Variants in CD1C observed in about 807,000 individuals in gnomAD.
CD1C encodes the protein CD1c molecule.
CD1C carries 47 observed loss-of-function variants against 39.4 expected under a neutral mutation model. That is an observed-to-expected ratio of 1.19 (90% CI 0.94 to 1.52). The LOEUF (loss-of-function observed/expected upper bound fraction) is 1.52. CD1C is among the 40% of genes most tolerant of loss of function. CD1C has a pLI of 0.00. For missense variants in CD1C, 417 were observed against 395.2 expected (o/e 1.06, Z -0.47); for synonymous variants, 165 against 150.8 (o/e 1.09, Z -0.69).
intron 4 of CD1C, 128 bp downstream of exon 4, chr1:158,293,002 T>C: frequency 1.0e-6 from 1 of 962,952 alleles, no homozygotes; most frequent in Non-Finnish European, 1.5e-6. Context: ...ATTTAAAGAA[T>C]AGTGGAGTAA....
chr1:158,292,985 T>C, intron 4 of CD1C, 111 bp downstream of exon 4: 1 of 1,075,150 alleles, frequency 9.3e-7, no homozygotes, highest in Non-Finnish European at 1.3e-6. Flanking sequence ...AAGAAATGTA[T>C]AGGGTAATTT....
chr1:158,292,787 C>A lies in CD1C; in HGVS notation c.802C>A (p.Leu268Met). The change falls in exon 4 of 6, where the codon CTG becomes ATG. Residue 268 changes from leucine (L) to methionine (M), a missense_variant. By Grantham distance (15) the Leu-to-Met change is conservative. Transcript: ENST00000368170. ...TGGGACATGGTATCTTCAGGTGATC[C>A]TGGAGGTGGCATCTGAGGAGCCTGC... ...ADGTWYLQVI[L>M]EVASEEPAGL... The A allele has an allele frequency of 6.2e-7, 1 of 1,614,158 alleles. No individual in the cohort carries two copies. The highest frequency in any genetic ancestry group is 8.5e-7 in the Non-Finnish European group (1 of 1,180,010).
At chr1:158,290,263 G>A in intron 1 of CD1C, 138 bp downstream of exon 1, 1 of 696,570 alleles carries the variant, frequency 1.4e-6, no homozygotes, top group East Asian at 2.6e-5. Flanking sequence ...TACTCTTTTG[G>A]AGGATGGTGG....
chr1:158,291,025 T>A (rs1651015290), intron 1 of CD1C, 109 bp from the exon 2 acceptor site: 4 of 1,130,836 alleles, frequency 3.5e-6, no homozygotes, highest in Admixed American at 5.3e-5. Context: ...GCTAAAGTAG[T>A]CATTAATGTT....
Position 158,292,712 on chromosome 1 carries a change from G to T in CD1C, c.727G>T (p.Glu243Ter), listed in dbSNP as rs1268889238. The part of the protein sequence containing the change: ...KPVWVTWMRN[E>*]QEQLGTKHGD... ...TGTTTGGGTGACATGGATGCGGAAT[G>T]AACAGGAGCAACTGGGCACTAAACA... The change falls in exon 4 of 6, where the codon GAA (glutamate) becomes TAA (stop). Residue 243 changes from glutamate to a stop codon, truncating the protein, a stop_gained. Transcript: ENST00000368170. LOFTEE classifies it high-confidence loss of function. 6.2e-7 allele frequency: 1 copy of T among 1,614,198 alleles called. No individual in the cohort carries two copies. Among genetic ancestry groups the T allele is most frequent in the South Asian group, 1.1e-5 (1 of 91,066 alleles).
At chr1:158,292,952 A>C in intron 4 of CD1C, 78 bp downstream of exon 4, 2 of 1,414,818 alleles carry the variant, frequency 1.4e-6, no homozygotes, top group Admixed American at 1.9e-5. Flanking sequence ...TGAGGATAGC[A>C]GACCTAGGTG....
rs1301928391 is a variant in CD1C at position 158,294,210 on chromosome 1, G to T, written c.*734G>T. Among the ~76,000 whole-genome samples the T allele has an allele frequency of 6.6e-6, 1 of 152,334 alleles. No homozygotes were observed. The highest frequency in any genetic ancestry group is 1.5e-5 in the Non-Finnish European group (1 of 68,026). ...ACTTAAGAAAAGGAACAAGAGATTT[G>T]GTCCTCAGGGTTGGAGTGGGATCAA... On this transcript the variant is annotated 3_prime_UTR_variant, in exon 6 of 6. Coordinates refer to ENST00000368170, the MANE Select transcript of CD1C (RefSeq NM_001765.3).
Position 158,293,548 on chromosome 1 carries a change from C to T in CD1C, c.*72C>T, listed in dbSNP as rs766007094. The T allele has an allele frequency of 2.5e-6, 4 of 1,613,724 alleles. No individual in the cohort carries two copies. The highest frequency in any genetic ancestry group is 3.4e-6 in the Non-Finnish European group (4 of 1,179,774). ...AGGAGCCTAGTACAATATAGTGATG[C>T]CATCCCGTCGACTCTCCATTTAAAT... is the stretch of plus-strand genomic sequence containing the variant. On this transcript the variant is annotated 3_prime_UTR_variant, in exon 6 of 6. Coordinates refer to ENST00000368170, the MANE Select transcript of CD1C (RefSeq NM_001765.3).
rs901306034 is a variant in CD1C, at chr1:158,292,785, T to C, written c.800T>C (p.Ile267Thr). The C allele has an allele frequency of 1.9e-5, 31 of 1,614,018 alleles. No individual in the cohort carries two copies. Among genetic ancestry groups the C allele is most frequent in the Non-Finnish European group, 2.4e-5 (28 of 1,179,978 alleles). The change falls in exon 4 of 6, where the codon ATC becomes ACC. Residue 267 changes from isoleucine to threonine, a missense_variant. Transcript: ENST00000368170. ...GATGGGACATGGTATCTTCAGGTGA[T>C]CCTGGAGGTGGCATCTGAGGAGCCT... is the stretch of plus-strand genomic sequence containing the variant. ...NADGTWYLQV[I>T]LEVASEEPAG...
Position 158,292,233 on chromosome 1 carries a change from C to T in CD1C, c.478C>T (p.Gln160Ter), listed in dbSNP as rs777559090. Residue 160 changes from glutamine to a stop codon, truncating the protein, a stop_gained, in exon 3 of 6, where the codon CAA (glutamine) becomes TAA (stop). Transcript: ENST00000368170. LOFTEE classifies it high-confidence loss of function. ...VPSPGCGSLA[Q>*]SVCHLLNHQY... is the part of the protein sequence containing the mutation. ...ATCTCCAGGCTGTGGAAGTTTGGCC[C>T]AAAGTGTCTGTCATCTACTCAATCA... The T allele has an allele frequency of 3.1e-6, 5 of 1,614,094 alleles. No individual in the cohort carries two copies. The South Asian group carries it at 4.4e-5, about 14-fold the overall frequency.
intron 1 of CD1C, 105 bp downstream of exon 1, chr1:158,290,230 C>A: frequency 1.0e-6 from 1 of 993,860 alleles, no homozygotes; most frequent in Non-Finnish European, 1.6e-6. Context: ...GCCATCTGAG[C>A]ATACCTGTCT....
Position 158,293,321 on chromosome 1 carries a change from C to T in CD1C, c.980+19C>T, listed in dbSNP as rs761473870. 40 of 1,599,540 alleles carry T rather than the reference C, an allele frequency of 2.5e-5. No homozygotes were observed. In the South Asian group the frequency reaches 4.3e-4, roughly 17 times the overall value. ...AGCACTGGTGAGTTTTTTGTATTTC[C>T]TCCTCTCCTCCCAGTTTCTTATTTC... On this transcript the variant is annotated intron_variant, in intron 5 of 5. Transcript: ENST00000368170.
chr1:158,291,420 T>C lies in CD1C; in HGVS notation c.328+20T>C, dbSNP rs374045369. On this transcript the variant is annotated intron_variant, in intron 2 of 5. Coordinates refer to ENST00000368170, the MANE Select transcript of CD1C (RefSeq NM_001765.3). ...CGAAATGTAAGTTCAATCATCTAAA[T>C]TATGGGAGTTCTTTAGAATGTTCTA... 11 of 1,608,818 alleles carry C rather than the reference T, an allele frequency of 6.8e-6. No homozygotes were observed. The African/African-American group carries it at 1.2e-4, about 18-fold the overall frequency.
In CD1C at chr1:158,292,337, T is replaced by C; in HGVS notation, c.582T>C (p.Asp194=). 6.2e-7 allele frequency: 1 copy of C among 1,614,120 alleles called. No homozygotes were observed. Among genetic ancestry groups the C allele is most frequent in the Non-Finnish European group, 8.5e-7 (1 of 1,180,008 alleles). Residue 194 remains aspartate (D), a synonymous_variant, in exon 3 of 6, where the codon GAT becomes GAC. Coordinates refer to ENST00000368170, the MANE Select transcript of CD1C (RefSeq NM_001765.3). ...CCCGATTTCTCTTGGGTCTCCTGGA[T>C]GCAGGGAAGATGTATGTACACAGGC... ...TCPRFLLGLL[D]AGKMYVHRQV...
In CD1C at chr1:158,291,329, T is replaced by A. The variant is rs939761436; in HGVS notation, c.257T>A (p.Leu86Ter). 13 of 1,613,998 alleles carry A rather than the reference T, an allele frequency of 8.1e-6. No individual in the cohort carries two copies. ...FSNEELSDLELLFRFYLFGLT... is the reference protein window; with the variant it reads ...FSNEELSDLE ...AATGAAGAGTTGTCAGACCTAGAGTTGTTATTTCGTTTCTACCTCTTTGGA... is the reference window on the plus strand; with the variant it reads ...AATGAAGAGTTGTCAGACCTAGAGTAGTTATTTCGTTTCTACCTCTTTGGA... The change falls in exon 2 of 6, where the codon TTG becomes TAG. Residue 86 changes from leucine (L) to a stop codon, truncating the protein, a stop_gained. Transcript: ENST00000368170. LOFTEE classifies it high-confidence loss of function.
chr1:158,292,471 G>T (rs1651079381), intron 3 of CD1C, 106 bp downstream of exon 3: 2 of 1,486,060 alleles, frequency 1.3e-6, no homozygotes, highest in Admixed American at 2.0e-5. Context: ...AAGCAGGGGG[G>T]TTGCTGGGTA....
intron 5 of CD1C, 32 bp downstream of exon 5, chr1:158,293,334 A>G (rs200363768): frequency 1.6e-5 from 26 of 1,596,894 alleles, no homozygotes; most frequent in Non-Finnish European, 2.1e-5. Flanking sequence ...CTCTCCTCCC[A>G]GTTTCTTATT....
In CD1C at chr1:158,290,072, T is replaced by A. The variant is rs1650978651; in HGVS notation, c.8T>A (p.Phe3Tyr). ...GAAACATCTGCAAATGACATGCTGT[T>A]TCTGCAGTTTCTGCTGCTAGCTCTT... Reference protein sequence around the residue: MLFLQFLLLALLL... With the variant: MLYLQFLLLALLL... Residue 3 changes from phenylalanine (F) to tyrosine (Y), a missense_variant, in exon 1 of 6, where the codon TTT (phenylalanine) becomes TAT (tyrosine). Coordinates refer to ENST00000368170, the MANE Select transcript of CD1C (RefSeq NM_001765.3). The A allele has an allele frequency of 6.2e-7, 1 of 1,613,782 alleles. No individual in the cohort carries two copies. The highest frequency in any genetic ancestry group is 8.5e-7 in the Non-Finnish European group (1 of 1,179,848).
At position 158,292,814 on chromosome 1, in the gene CD1C, G is replaced by A. The variant is rs773968611; in HGVS notation, c.829G>A (p.Gly277Ser). 1.2e-6 allele frequency: 2 copies of A among 1,614,206 alleles called. No individual in the cohort carries two copies. Among genetic ancestry groups the A allele is most frequent in the South Asian group, 2.2e-5 (2 of 91,086 alleles). The change falls in exon 4 of 6, where the codon GGC (glycine) becomes AGC (serine). Residue 277 changes from glycine to serine, a missense_variant. Coordinates refer to ENST00000368170, the MANE Select transcript of CD1C (RefSeq NM_001765.3). The part of the protein sequence containing the change: ...ILEVASEEPA[G>S]LSCRVRHSSL... ...GGAGGTGGCATCTGAGGAGCCTGCTGGCCTGTCTTGTCGAGTGAGACACAG... is the reference window on the plus strand; with the variant it reads ...GGAGGTGGCATCTGAGGAGCCTGCTAGCCTGTCTTGTCGAGTGAGACACAG...
Sources: allele counts gnomAD v4.1 joint callset (sites outside exome capture counted in the v4.1 genomes callset), GRCh38; gene constraint gnomAD v4.1.1; transcripts MANE v1.5; gene names NCBI Gene and HGNC (gene_info 2026-07-23, HGNC 2026-07-21).